Variants in ZNF831 observed in about 807,000 individuals in gnomAD.
ZNF831 encodes zinc finger protein 831.
In ZNF831, 59 loss-of-function variants were observed where a neutral mutation model predicts 95.8. The ratio of observed to expected loss-of-function variants is 0.62; its 90% CI spans 0.50 to 0.77. ZNF831 has a LOEUF of 0.77. Ranked by LOEUF, ZNF831 falls within the 30% of genes least tolerant of loss-of-function variation. The pLI is 0.00. For missense variants in ZNF831, 2,205 were observed against 2,164.0 expected (o/e 1.02, Z -0.38); for synonymous variants, 961 against 925.5 (o/e 1.04, Z -0.70).
chr20:59,243,487 G>A (rs1375166225), intron 4 of ZNF831, among the ~76,000 whole-genome samples: 1 of 152,176 alleles, frequency 6.6e-6, no homozygotes, highest in Non-Finnish European at 1.5e-5. Flanking sequence ...AGTAGACAGA[G>A]GGAGGTGGGA....
chr20:59,198,579 G>A (rs1334387362), intron 3 of ZNF831, among the ~76,000 whole-genome samples: 3 of 152,116 alleles, frequency 2.0e-5, no homozygotes, highest in Admixed American at 6.5e-5. Flanking sequence ...GGAACTAGAC[G>A]GCCTCTCCAC....
intron 4 of ZNF831, among the ~76,000 whole-genome samples, chr20:59,229,292 A>G (rs149475719): frequency 8.1e-4 from 123 of 152,324 alleles, no homozygotes; most frequent in African/African-American, 2.8e-3. Flanking sequence ...TCTCTTTGGT[A>G]TAATGATTTC....
rs2146761692 is a variant in ZNF831 at position 59,253,954 on chromosome 20, C to T, written c.4245C>T (p.Ala1415=). The change falls in exon 6 of 6, where the codon GCC becomes GCT. Residue 1415 remains alanine, a synonymous_variant. Coordinates refer to ENST00000371030, the MANE Select transcript of ZNF831 (RefSeq NM_178457.3). The part of the protein sequence containing the change: ...HGDCTTHSTA[A]TSGLSLQSDT... Reference sequence around the variant, plus strand: ...ACTGTACTACTCACAGCACTGCTGCCACATCAGGATTATCTCTGCAATCTG... The same window carrying T: ...ACTGTACTACTCACAGCACTGCTGCTACATCAGGATTATCTCTGCAATCTG... 6.3e-7 allele frequency: 1 copy of T among 1,596,696 alleles called. No individual in the cohort carries two copies.
At chr20:59,250,306 A>G (rs1250244564) in intron 4 of ZNF831, among the ~76,000 whole-genome samples, 1 of 152,182 alleles carries the variant, frequency 6.6e-6, no homozygotes, top group Non-Finnish European at 1.5e-5. Flanking sequence ...TTTTGACTCC[A>G]GAATGCCGGC....
chr20:59,179,356 C>T (rs1982429232), intron 1 of ZNF831, among the ~76,000 whole-genome samples: 1 of 152,226 alleles, frequency 6.6e-6, no homozygotes, highest in Non-Finnish European at 1.5e-5. Context: ...CTTCTCACTA[C>T]AGTCCAGCGA....
At chr20:59,180,327 C>G (rs1305699174) in intron 1 of ZNF831, among the ~76,000 whole-genome samples, 2 of 152,156 alleles carry the variant, frequency 1.3e-5, no homozygotes, top group Non-Finnish European at 2.9e-5. Context: ...GGCTCAAGCA[C>G]AGATGATCAT....
intron 1 of ZNF831, among the ~76,000 whole-genome samples, chr20:59,132,773 T>A (rs1457449681): frequency 6.6e-6 from 1 of 152,242 alleles, no homozygotes; most frequent in Non-Finnish European, 1.5e-5. Context: ...ACCCCTCAGC[T>A]GGAAGAAGGT....
At chr20:59,161,892 G>A (rs1980893730), upstream of ZNF831, among the ~76,000 whole-genome samples, 2 of 152,104 alleles carry the variant, frequency 1.3e-5, no homozygotes, top group African/African-American at 4.8e-5. Context: ...ATGTGTGAGT[G>A]TTCCCTTTTT....
intron 4 of ZNF831, among the ~76,000 whole-genome samples, chr20:59,240,843 G>A (rs1312634205): frequency 6.6e-6 from 1 of 151,912 alleles, no homozygotes; most frequent in Admixed American, 6.6e-5. Flanking sequence ...ATATTTCTAG[G>A]GAAATACTCT....
intron 3 of ZNF831, among the ~76,000 whole-genome samples, chr20:59,199,560 A>G (rs1984382970): frequency 6.6e-6 from 1 of 152,158 alleles, no homozygotes; most frequent in South Asian, 2.1e-4. Context: ...CATACTGATC[A>G]AATTCATTCA....
At chr20:59,212,930 A>C (rs761156471) in intron 4 of ZNF831, among the ~76,000 whole-genome samples, 23 of 152,240 alleles carry the variant, frequency 1.5e-4, no homozygotes, top group Non-Finnish European at 2.9e-4. Context: ...AAGATGTTGC[A>C]TTTTGTGAAA....
At chr20:59,131,068 C>T (rs1008124237) in intron 1 of ZNF831, among the ~76,000 whole-genome samples, 7 of 152,170 alleles carry the variant, frequency 4.6e-5, no homozygotes, top group Non-Finnish European at 2.9e-5. Flanking sequence ...CTGAATCCAT[C>T]TCCCTTTGAA....
intron 1 of ZNF831, among the ~76,000 whole-genome samples, chr20:59,183,558 G>A (rs1295517110): frequency 3.3e-5 from 5 of 152,102 alleles, no homozygotes; most frequent in Non-Finnish European, 7.4e-5. Context: ...TATCCCCACC[G>A]CCCGCTTTTA....
At chr20:59,167,712 G>T (rs148025453) in intron 1 of ZNF831, among the ~76,000 whole-genome samples, 1 of 149,912 alleles carries the variant, frequency 6.7e-6, no homozygotes. Context: ...AGCATCATTT[G>T]TTGAAACATC....
chr20:59,146,713 G>C (rs1266018183), intron 2 of ZNF831: 1 of 152,242 alleles, frequency 6.6e-6, no homozygotes, highest in South Asian at 2.1e-4. Flanking sequence ...AGAGTGAGTA[G>C]TGACTCACAC....
chr20:59,191,043 C>T lies in ZNF831; in HGVS notation c.24C>T (p.Cys8=). 3 of 1,494,218 alleles carry T rather than the reference C, an allele frequency of 2.0e-6. No homozygotes were observed. Among genetic ancestry groups the T allele is most frequent in the South Asian group, 1.4e-5 (1 of 73,542 alleles). 92.6% of individuals were successfully genotyped at this position (1,494,218 alleles called of 1,614,324 possible). A position where few individuals can be genotyped will look rare whatever the true frequency, so the allele number is the denominator to read the frequency against. ...GAATGGAGGTTCCAGAACCCACCTG[C>T]CCTGCCCCTCCTGCGAGGGACCAGC... is the stretch of plus-strand genomic sequence containing the variant. MEVPEPT[C]PAPPARDQPA... The change falls in exon 2 of 6, where the codon TGC becomes TGT. Residue 8 remains cysteine (C), a synonymous_variant. Coordinates refer to ENST00000371030, the MANE Select transcript of ZNF831 (RefSeq NM_178457.3).
At chr20:59,245,106 C>T (rs867413141) in intron 4 of ZNF831, among the ~76,000 whole-genome samples, 1 of 152,174 alleles carries the variant, frequency 6.6e-6, no homozygotes, top group Admixed American at 6.6e-5. Flanking sequence ...AACAAAGCCA[C>T]GGTGAAGCTT....
chr20:59,197,773 G>A (rs1358819600), intron 3 of ZNF831, among the ~76,000 whole-genome samples: 1 of 152,202 alleles, frequency 6.6e-6, no homozygotes, highest in Non-Finnish European at 1.5e-5. Context: ...TGGTGGTGTG[G>A]GAAGGACAGT....
At chr20:59,223,087 CAGGAGCCCCAGCTGATAACAGGAGG>C (rs934126531) in intron 4 of ZNF831, among the ~76,000 whole-genome samples, 4 of 151,934 alleles carry the variant, frequency 2.6e-5, no homozygotes, top group African/African-American at 9.7e-5. Flanking sequence ...AGAGGGGAGG[CAGGAGCCCCAGCTGATAACAGGAGG>C]AGGCAGGAAG....
Sources: allele counts gnomAD v4.1 joint callset (sites outside exome capture counted in the v4.1 genomes callset), GRCh38; gene constraint gnomAD v4.1.1; transcripts MANE v1.5; gene names NCBI Gene and HGNC (gene_info 2026-07-23, HGNC 2026-07-21).